ANO10: variants seen among roughly 807,000 people sequenced by gnomAD.
The protein encoded by ANO10 is anoctamin 10.
A neutral mutation model predicts 74.7 loss-of-function variants in ANO10; 77 were observed. That is an observed-to-expected ratio of 1.03 (90% CI 0.86 to 1.25). The LOEUF (loss-of-function observed/expected upper bound fraction) is 1.25. ANO10 is among the 50% of genes most tolerant of loss of function. The pLI is 0.00. For synonymous variants in ANO10, 279 were observed against 284.9 expected (o/e 0.98, Z 0.21); for missense variants, 721 against 778.1 (o/e 0.93, Z 0.87).
chr3:43,673,181 C>T (rs1213854477), intron 1 of ANO10, among the ~76,000 whole-genome samples: 1 of 152,140 alleles, frequency 6.6e-6, no homozygotes, highest in Admixed American at 6.5e-5. Flanking sequence ...GCTAAATAAG[C>T]CAATTTGCTG....
chr3:43,637,700 C>G (rs930797502), intron 1 of ANO10: 2 of 151,662 alleles, frequency 1.3e-5, no homozygotes, highest in Admixed American at 6.6e-5. Context: ...AAGAATGATG[C>G]CCAGAAACTC....
chr3:43,686,008 G>T (rs563356318), intron 1 of ANO10, among the ~76,000 whole-genome samples: 102 of 152,078 alleles, frequency 6.7e-4, no homozygotes, highest in Non-Finnish European at 1.4e-3. Flanking sequence ...TTTTATTCTG[G>T]TTCTGAGAGT....
At chr3:43,613,204 G>T (rs1010995424) in intron 1 of ANO10, among the ~76,000 whole-genome samples, 7 of 151,668 alleles carry the variant, frequency 4.6e-5, no homozygotes, top group Non-Finnish European at 1.0e-4. Flanking sequence ...TACTCCAAAT[G>T]TATCAGGAAT....
At chr3:43,373,701 C>T (rs1224888525) in intron 12 of ANO10, among the ~76,000 whole-genome samples, 1 of 152,212 alleles carries the variant, frequency 6.6e-6, no homozygotes, top group East Asian at 1.9e-4. Flanking sequence ...CCCAGGCACA[C>T]ACTCATTCTG....
At chr3:43,434,770 A>T (rs1449783882) in intron 11 of ANO10, among the ~76,000 whole-genome samples, 2 of 152,254 alleles carry the variant, frequency 1.3e-5, no homozygotes, top group South Asian at 4.1e-4. Context: ...AGGTAACAGA[A>T]CAAGGCTGCC....
At chr3:43,464,041 T>G (rs2075504924) in intron 11 of ANO10, among the ~76,000 whole-genome samples, 1 of 152,322 alleles carries the variant, frequency 6.6e-6, no homozygotes, top group Non-Finnish European at 1.5e-5. Context: ...CATGACTTGC[T>G]CTTCCTCGCC....
intron 4 of ANO10, among the ~76,000 whole-genome samples, chr3:43,598,321 A>T (rs1421218585): frequency 6.6e-6 from 1 of 152,246 alleles, no homozygotes; most frequent in African/African-American, 2.4e-5. Context: ...ACTGTATGGT[A>T]TGAGACCTTG....
In ANO10 at chr3:43,647,153, ATGTGTGTGTGTG is replaced by A. The variant is rs57290936; in HGVS notation, c.-11-41302_-11-41291del. Among the ~76,000 whole-genome samples, 625 of 141,888 alleles carry A rather than the reference ATGTGTGTGTGTG, an allele frequency of 4.4e-3. 5 individuals carry two copies. The highest frequency in any genetic ancestry group is 0.015 in the African/African-American group (567 of 38,170). 93.1% of individuals were successfully genotyped at this position (141,888 alleles called of 152,430 possible). The stretch of plus-strand genomic sequence containing the variant: ...CAGAACCAAAAAGATATGTGTATAT[ATGTGTGTGTGTG>A]TGTGTGTGTGTGTGTGTGTGTGTGT... On this transcript the variant is annotated intron_variant, in intron 1 of 3. Transcript: ENST00000413397.
At chr3:43,672,390 C>T (rs74390622) in intron 1 of ANO10, among the ~76,000 whole-genome samples, 6,122 of 151,948 alleles carry the variant, frequency 0.04, 417 homozygotes, top group African/African-American at 0.14. Flanking sequence ...GTAAATTAAC[C>T]GGGCCTGGTG....
intron 11 of ANO10, among the ~76,000 whole-genome samples, chr3:43,460,814 G>A (rs1311399218): frequency 8.6e-5 from 13 of 151,946 alleles, no homozygotes; most frequent in Admixed American, 6.5e-4. Context: ...GCAGCCTCAG[G>A]GAGAACTAAG....
chr3:43,484,842 A>T (rs1361461341), intron 11 of ANO10: 2 of 534,792 alleles, frequency 3.7e-6, no homozygotes, highest in South Asian at 5.2e-5. Context: ...GGTTTACATC[A>T]TGGAGGCGGG....
chr3:43,577,381 C>T, intron 5 of ANO10, 120 bp from the exon 6 acceptor site: 7 of 987,734 alleles, frequency 7.1e-6, no homozygotes, highest in Non-Finnish European at 1.1e-5. Context: ...ACTTCCCAAA[C>T]AGCGTGTGGT....
intron 12 of ANO10, among the ~76,000 whole-genome samples, chr3:43,397,848 A>G (rs2092410939): frequency 6.6e-6 from 1 of 152,158 alleles, no homozygotes; most frequent in Admixed American, 6.5e-5. Context: ...TCTCTCTTCT[A>G]TCTCTATCTC....
chr3:43,466,718 CATAA>C (rs1172882915), intron 11 of ANO10, among the ~76,000 whole-genome samples: 1 of 152,030 alleles, frequency 6.6e-6, no homozygotes, highest in Non-Finnish European at 1.5e-5. Context: ...TCTGACAAGA[CATAA>C]AAAAGCAATA....
At chr3:43,464,971 C>G (rs1433764208) in intron 11 of ANO10, among the ~76,000 whole-genome samples, 1 of 152,126 alleles carries the variant, frequency 6.6e-6, no homozygotes, top group African/African-American at 2.4e-5. Context: ...TTTACTAGTT[C>G]TATTGAACAT....
intron 11 of ANO10, among the ~76,000 whole-genome samples, chr3:43,454,095 T>C (rs758686926): frequency 3.9e-5 from 6 of 152,108 alleles, no homozygotes; most frequent in Non-Finnish European, 7.4e-5. Flanking sequence ...AATAAAGACC[T>C]GAAGGAAGGA....
At chr3:43,376,131 A>G (rs59495244) in intron 12 of ANO10, among the ~76,000 whole-genome samples, 3,685 of 152,336 alleles carry the variant, frequency 0.024, 161 homozygotes, top group African/African-American at 0.083. Flanking sequence ...GGCAAGAACC[A>G]GAAACCTCGA....
chr3:43,547,580 C>CAATA (rs1018278139), intron 11 of ANO10, among the ~76,000 whole-genome samples: 1 of 152,006 alleles, frequency 6.6e-6, no homozygotes, highest in Middle Eastern at 3.4e-3. Flanking sequence ...TGTGAAGAGA[C>CAATA]AATAAATAAA....
At chr3:43,437,234 A>C (rs748266265) in intron 11 of ANO10, among the ~76,000 whole-genome samples, 3 of 152,226 alleles carry the variant, frequency 2.0e-5, no homozygotes, top group Non-Finnish European at 4.4e-5. Flanking sequence ...CTGGAAAATA[A>C]GAGAAGTTGC....
Sources: gnomAD v4.1 joint callset for allele counts (sites outside exome capture counted in the v4.1 genomes callset) on GRCh38, gnomAD v4.1.1 for gene constraint, MANE v1.5 for transcripts, NCBI Gene and HGNC (gene_info 2026-07-23, HGNC 2026-07-21) for gene names.